The following LRP1B variants were observed in gnomAD, a reference collection of about 807,000 sequenced individuals.
The protein encoded by LRP1B is low-density lipoprotein receptor-related protein 1B.
In LRP1B, 217 loss-of-function variants were observed where a neutral mutation model predicts 556.6. The observed-to-expected ratio is 0.39, with a 90% CI of 0.35 to 0.44. LRP1B has a LOEUF of 0.44. Among genes scored for constraint, LRP1B ranks in the 20% least tolerant of loss-of-function variants. The probability of loss-of-function intolerance (pLI) is 1.00; values close to 1 mark genes in which losing one functional copy is unlikely to be tolerated. For missense variants in LRP1B, 5,053 were observed against 5,620.8 expected (o/e 0.90, Z 3.23); for synonymous variants, 2,047 against 1,865.8 (o/e 1.10, Z -2.50).
intron 66 of LRP1B, among the ~76,000 whole-genome samples, chr2:140,430,382 G>A (rs1366448107): frequency 6.6e-6 from 1 of 152,062 alleles, no homozygotes; most frequent in Non-Finnish European, 1.5e-5. Context: ...CTACTCAAAG[G>A]TCCTCCATCA....
intron 86 of LRP1B, among the ~76,000 whole-genome samples, chr2:140,259,696 A>G (rs1350804329): frequency 6.6e-6 from 1 of 152,034 alleles, no homozygotes; most frequent in Non-Finnish European, 1.5e-5. Flanking sequence ...GGTAAAATAC[A>G]TAAATCAGAC....
intron 2 of LRP1B, among the ~76,000 whole-genome samples, chr2:141,773,806 G>T (rs543794546): frequency 4.6e-5 from 7 of 152,314 alleles, no homozygotes; most frequent in African/African-American, 1.7e-4. Context: ...AAATACAAAA[G>T]CATGATGGTG....
intron 3 of LRP1B, among the ~76,000 whole-genome samples, chr2:141,359,197 T>C (rs569182027): frequency 7.0e-6 from 1 of 143,084 alleles, no homozygotes; most frequent in East Asian, 2.0e-4. Context: ...AGTCAAGAAA[T>C]TACAAACATA....
chr2:141,161,206 C>T (rs767205005), intron 7 of LRP1B, among the ~76,000 whole-genome samples: 4 of 151,842 alleles, frequency 2.6e-5, no homozygotes, highest in South Asian at 4.2e-4. Context: ...AACTGTTAAC[C>T]GTTTTTACAT....
At chr2:142,036,743 T>C (rs921754627) in intron 1 of LRP1B, among the ~76,000 whole-genome samples, 7 of 151,818 alleles carry the variant, frequency 4.6e-5, no homozygotes, top group African/African-American at 1.7e-4. Flanking sequence ...CAGAAACAAT[T>C]ATGCATATCC....
Position 140,514,777 on chromosome 2 carries a change from G to T in LRP1B, c.8150-5C>A. The T allele has an allele frequency of 6.3e-7, 1 of 1,596,010 alleles. No homozygotes were observed. Among genetic ancestry groups the T allele is most frequent in the Non-Finnish European group, 8.5e-7 (1 of 1,171,882 alleles). ...GGTTCCAAGAGCAAGAAGAATCTAG[G>T]AAACAAACAAAAGGAAAAAAAAAAA... On this transcript the variant is annotated splice_polypyrimidine_tract_variant and splice_region_variant and intron_variant, in intron 50 of 90. Transcript: ENST00000389484.
At chr2:141,480,159 TTG>T (rs5834837) in intron 3 of LRP1B, among the ~76,000 whole-genome samples, 235 of 149,956 alleles carry the variant, frequency 1.6e-3, no homozygotes, top group South Asian at 0.01. Flanking sequence ...AAGTCTAAAT[TTG>T]TGTGTGTGTG....
chr2:141,938,280 G>T (rs1395185495), intron 1 of LRP1B, among the ~76,000 whole-genome samples: 1 of 152,030 alleles, frequency 6.6e-6, no homozygotes, highest in African/African-American at 2.4e-5. Context: ...TATAAAATGA[G>T]ATGATTAGAA....
At chr2:140,913,141 C>T (rs1694471904) in intron 21 of LRP1B, among the ~76,000 whole-genome samples, 2 of 151,782 alleles carry the variant, frequency 1.3e-5, no homozygotes, top group Non-Finnish European at 2.9e-5. Flanking sequence ...AATGTTTATA[C>T]TACTAACCTT....
chr2:142,112,298 C>T (rs1278257854), intron 1 of LRP1B, among the ~76,000 whole-genome samples: 2 of 151,740 alleles, frequency 1.3e-5, no homozygotes, highest in South Asian at 2.1e-4. Context: ...CTATAAGTGA[C>T]GGAATCATTT....
At chr2:141,394,881 A>G (rs1690186346) in intron 3 of LRP1B, among the ~76,000 whole-genome samples, 1 of 152,138 alleles carries the variant, frequency 6.6e-6, no homozygotes, top group African/African-American at 2.4e-5. Context: ...ATGATAAACT[A>G]AATTAATTCA....
intron 1 of LRP1B, among the ~76,000 whole-genome samples, chr2:142,060,808 A>G (rs991322253): frequency 7.2e-5 from 11 of 152,084 alleles, no homozygotes; most frequent in Admixed American, 2.0e-4. Context: ...AAATAAGATA[A>G]TAGGTTAATA....
intron 1 of LRP1B, among the ~76,000 whole-genome samples, chr2:141,857,332 C>T (rs1469350923): frequency 2.6e-5 from 4 of 151,884 alleles, no homozygotes; most frequent in Admixed American, 2.6e-4. Flanking sequence ...TTTTCCCTCT[C>T]CATTTTATTT....
intron 1 of LRP1B, among the ~76,000 whole-genome samples, chr2:141,833,865 G>A (rs1210159968): frequency 6.7e-6 from 1 of 149,016 alleles, no homozygotes; most frequent in Admixed American, 6.6e-5. Flanking sequence ...AAAAGGAAAG[G>A]CCTAAGAAAG....
intron 2 of LRP1B, among the ~76,000 whole-genome samples, chr2:141,510,116 TA>T (rs1684068711): frequency 6.6e-6 from 1 of 150,944 alleles, no homozygotes; most frequent in Admixed American, 6.6e-5. Context: ...ATCTCAACCA[TA>T]AAGCAAAAGA....
At chr2:141,216,439 G>C (rs2105265203) in intron 6 of LRP1B, among the ~76,000 whole-genome samples, 1 of 152,342 alleles carries the variant, frequency 6.6e-6, no homozygotes, top group South Asian at 2.1e-4. Flanking sequence ...CTTCAACTAG[G>C]TAAGTGCAGA....
chr2:140,624,004 C>CTT (rs1683561092), intron 41 of LRP1B, among the ~76,000 whole-genome samples: 1 of 103,120 alleles, frequency 9.7e-6, no homozygotes, highest in Non-Finnish European at 2.0e-5. Flanking sequence ...ACTGTTAAAA[C>CTT]ATATTTTGAA....
intron 35 of LRP1B, among the ~76,000 whole-genome samples, chr2:140,734,668 G>A (rs2105507419): frequency 6.6e-6 from 1 of 152,208 alleles, no homozygotes; most frequent in African/African-American, 2.4e-5. Context: ...GTAAATAATT[G>A]ACAGATGGTC....
At chr2:142,083,772 C>T (rs777446934) in intron 1 of LRP1B, among the ~76,000 whole-genome samples, 5 of 152,034 alleles carry the variant, frequency 3.3e-5, no homozygotes, top group Non-Finnish European at 5.9e-5. Flanking sequence ...TTAAATGGAG[C>T]AAAAAATCTT....
Sources: gnomAD v4.1 joint callset for allele counts (sites outside exome capture counted in the v4.1 genomes callset) on GRCh38, gnomAD v4.1.1 for gene constraint, MANE v1.5 for transcripts, NCBI Gene and HGNC (gene_info 2026-07-23, HGNC 2026-07-21) for gene names.